DOCK1: variants seen among roughly 807,000 people sequenced by gnomAD.
DOCK1 encodes the protein dedicator of cytokinesis 1, also known as dedicator of cytokinesis protein 1.
A neutral mutation model predicts 262.7 loss-of-function variants in DOCK1; 138 were observed. The observed-to-expected ratio is 0.53, with a 90% confidence interval of 0.46 to 0.61. The LOEUF (loss-of-function observed/expected upper bound fraction) is 0.61. Ranked by LOEUF, DOCK1 falls within the 20% of genes least tolerant of loss-of-function variation. DOCK1 has a pLI of 0.00. For missense variants in DOCK1, 1,908 were observed against 2,370.7 expected, an observed-to-expected ratio of 0.80 and a Z score of 4.05; for synonymous variants, 866 against 867.4, an observed-to-expected ratio of 1.00 and a Z score of 0.03.
At chr10:127,270,294 C>A (rs2060515680) in intron 29 of DOCK1, among the ~76,000 whole-genome samples, 1 of 152,228 alleles carries the variant, frequency 6.6e-6, no homozygotes, top group Non-Finnish European at 1.5e-5. Flanking sequence ...CTTCCCACCC[C>A]CATCAAGGTG....
chr10:127,119,481 G>A (rs913972447), intron 25 of DOCK1, among the ~76,000 whole-genome samples: 7 of 152,196 alleles, frequency 4.6e-5, no homozygotes, highest in Non-Finnish European at 2.9e-5. Flanking sequence ...TTCCAGTGTC[G>A]GCACCGTCTT....
intron 27 of DOCK1, among the ~76,000 whole-genome samples, chr10:127,187,752 AAGAG>A (rs1173576895): frequency 6.6e-6 from 1 of 150,824 alleles, no homozygotes; most frequent in Non-Finnish European, 1.5e-5. Context: ...GAAAGAGAGA[AAGAG>A]AGAAAGAAAG....
chr10:127,053,335 C>G (rs895209087), intron 22 of DOCK1, among the ~76,000 whole-genome samples: 1 of 152,160 alleles, frequency 6.6e-6, no homozygotes, highest in Non-Finnish European at 1.5e-5. Context: ...GAGCGAGACT[C>G]CATCTCAAAA....
intron 1 of DOCK1, among the ~76,000 whole-genome samples, chr10:126,951,919 G>A (rs968215368): frequency 2.7e-5 from 4 of 148,674 alleles, no homozygotes; most frequent in African/African-American, 7.5e-5. Flanking sequence ...GTGCGATCTC[G>A]GCTCACTGCA....
At chr10:126,910,580 A>C (rs1198073409) in intron 1 of DOCK1, among the ~76,000 whole-genome samples, 3 of 152,226 alleles carry the variant, frequency 2.0e-5, no homozygotes, top group East Asian at 1.9e-4. Context: ...GCGGGTGTAA[A>C]ATATAATTCA....
chr10:126,913,990 G>A (rs534974126), intron 1 of DOCK1, among the ~76,000 whole-genome samples: 2 of 152,270 alleles, frequency 1.3e-5, no homozygotes, highest in Admixed American at 6.5e-5. Flanking sequence ...AGCCCAAACC[G>A]GGCCCATGGT....
At chr10:127,256,183 G>T (rs1398085353) in intron 28 of DOCK1, among the ~76,000 whole-genome samples, 2 of 152,196 alleles carry the variant, frequency 1.3e-5, no homozygotes, top group South Asian at 2.1e-4. Flanking sequence ...GACTTCACCT[G>T]CTAGGACCTG....
chr10:127,337,584 T>C (rs1408001455), intron 29 of DOCK1, among the ~76,000 whole-genome samples: 2 of 152,206 alleles, frequency 1.3e-5, no homozygotes, highest in African/African-American at 4.8e-5. Context: ...CTGAGGAATG[T>C]TGCTGCCCAG....
chr10:127,380,079 C>T lies in DOCK1; in HGVS notation c.3676-3C>T. 1.3e-6 allele frequency: 2 copies of T among 1,515,844 alleles called. No individual in the cohort carries two copies. Among genetic ancestry groups the T allele is most frequent in the African/African-American group, 1.4e-5 (1 of 72,256 alleles). The allele number at this position is 1,515,844 out of a possible 1,614,324, so 93.9% of individuals were successfully genotyped here. A position where few individuals can be genotyped will look rare whatever the true frequency, so the allele number is the denominator to read the frequency against. On this transcript the variant is annotated splice_polypyrimidine_tract_variant and splice_region_variant and intron_variant, in intron 35 of 51. Transcript: ENST00000623213. ...AAAACAGTATTATGGTTTAACTTTT[C>T]AGAATTTCTACAAAGAAATTGAAAG...
In DOCK1 at chr10:126,995,709, T is replaced by C. The variant is rs551122391; in HGVS notation, c.474-1039T>C. 6.6e-6 allele frequency among the ~76,000 whole-genome samples: 1 copy of C among 152,274 alleles called. No homozygotes were observed. Among genetic ancestry groups the C allele is most frequent in the Admixed American group, 6.5e-5 (1 of 15,294 alleles). On this transcript the variant is annotated intron_variant, in intron 6 of 51. Transcript: ENST00000623213. The surrounding 1 kb of genome is among the most constrained non-coding windows in gnomAD (Gnocchi z 5.8). ...GAGGGAGAGGGAGAATGTACTGTTA[T>C]AGACTGGACAGATTTATTAGCCAGA...
chr10:127,094,759 C>T (rs2047803083), intron 23 of DOCK1, among the ~76,000 whole-genome samples: 1 of 152,234 alleles, frequency 6.6e-6, no homozygotes, highest in South Asian at 2.1e-4. Context: ...TCATTCCCCA[C>T]TCACTGTTTG....
intron 1 of DOCK1, among the ~76,000 whole-genome samples, chr10:126,939,548 A>T (rs1200364487): frequency 6.6e-6 from 1 of 152,148 alleles, no homozygotes. Flanking sequence ...GTTATCTTTT[A>T]ATTTTTCTCT....
chr10:127,419,454 G>A (rs2068364163), intron 45 of DOCK1, among the ~76,000 whole-genome samples: 1 of 152,226 alleles, frequency 6.6e-6, no homozygotes, highest in Non-Finnish European at 1.5e-5. Flanking sequence ...GGTTGCTGCT[G>A]TAGACAGCCC....
chr10:126,989,769 G>A (rs148499297), intron 5 of DOCK1, among the ~76,000 whole-genome samples: 106 of 152,214 alleles, frequency 7.0e-4, no homozygotes, highest in African/African-American at 2.5e-3. Context: ...GCTTTTCTTT[G>A]AACCGTCAAT....
rs1178213162 is a variant in DOCK1 at position 127,059,976 on chromosome 10, CAG to C, written c.2337-1688_2337-1687del. Reference sequence around the variant, plus strand: ...GTGGGGCTGACCATCTTATTTTAATCAGAGACTGTGCTCAGTTTTGAGGCTAC... The same window carrying C: ...GTGGGGCTGACCATCTTATTTTAATCAGACTGTGCTCAGTTTTGAGGCTAC... On this transcript the variant is annotated intron_variant, in intron 22 of 51. Coordinates refer to ENST00000623213, the MANE Select transcript of DOCK1 (RefSeq NM_001290223.2). Among the ~76,000 whole-genome samples, 3 of 152,146 alleles carry C rather than the reference CAG, an allele frequency of 2.0e-5. No individual in the cohort carries two copies. The South Asian group carries it at 6.2e-4, about 32-fold the overall frequency.
chr10:126,943,956 G>T (rs2035205800), intron 1 of DOCK1, among the ~76,000 whole-genome samples: 2 of 152,164 alleles, frequency 1.3e-5, no homozygotes, highest in Admixed American at 1.3e-4. Flanking sequence ...AGTGGCTGGT[G>T]ATTGAAAGGT....
At chr10:127,241,149 C>A (rs1487120750) in intron 27 of DOCK1, among the ~76,000 whole-genome samples, 1 of 152,054 alleles carries the variant, frequency 6.6e-6, no homozygotes, top group Non-Finnish European at 1.5e-5. Context: ...CTGGCAAAAC[C>A]CTGTCTCTAC....
chr10:127,140,290 G>T (rs1323100029), intron 27 of DOCK1, among the ~76,000 whole-genome samples: 5 of 152,164 alleles, frequency 3.3e-5, no homozygotes, highest in Non-Finnish European at 7.4e-5. Flanking sequence ...TTAACAAAAT[G>T]ACTCGACTTT....
chr10:127,387,270 C>G (rs2066180886), intron 38 of DOCK1, among the ~76,000 whole-genome samples: 1 of 152,240 alleles, frequency 6.6e-6, no homozygotes, highest in African/African-American at 2.4e-5. Flanking sequence ...CACCAGCCCT[C>G]TCTGCCACTG....
Sources: gnomAD v4.1 joint callset for allele counts (sites outside exome capture counted in the v4.1 genomes callset) on GRCh38, gnomAD v4.1.1 for gene constraint, Gnocchi (gnomAD v3.1) non-coding constraint, MANE v1.5 for transcripts, NCBI Gene and HGNC (gene_info 2026-07-23, HGNC 2026-07-21) for gene names.